BRSK1: variants seen among roughly 807,000 people sequenced by gnomAD.
BRSK1 encodes the protein serine/threonine-protein kinase BRSK1.
In BRSK1, 17 loss-of-function variants were observed where a neutral mutation model predicts 86.2. The observed-to-expected ratio is 0.20, with a 90% CI of 0.14 to 0.30. The LOEUF (loss-of-function observed/expected upper bound fraction) is 0.30. BRSK1 is among the 10% of genes least tolerant of loss of function. The pLI, the probability that BRSK1 is intolerant of heterozygous loss-of-function variation, is 1.00. For missense variants in BRSK1, 719 were observed against 1,071.9 expected (o/e 0.67, Z 4.60); for synonymous variants, 464 against 440.1 (o/e 1.05, Z -0.68).
chr19:55,284,454 G>A lies in BRSK1; in HGVS notation c.12G>A (p.Gly4=). The A allele has an allele frequency of 1.5e-6, 2 of 1,301,984 alleles. No homozygotes were observed. Among genetic ancestry groups the A allele is most frequent in the Non-Finnish European group, 2.0e-6 (2 of 1,004,256 alleles). The allele number at this position is 1,301,984 out of a possible 1,614,324, so 80.7% of individuals were successfully genotyped here. MSS[G]AKEGGGGSPA... ...GGACCAAGGGCACCATGTCGTCCGG[G>A]GCCAAGGAGGGAGGTGGGGGCTCTC... is the stretch of plus-strand genomic sequence containing the variant. The change falls in exon 1 of 19, where the codon GGG becomes GGA. Residue 4 remains glycine (G), a synonymous_variant. Coordinates refer to ENST00000309383, the MANE Select transcript of BRSK1 (RefSeq NM_032430.2).
At position 55,303,079 on chromosome 19, in the gene BRSK1, A is replaced by G. The variant is rs1303230275; in HGVS notation, c.1028+212A>G. 1 of 649,362 alleles carries G rather than the reference A, an allele frequency of 1.5e-6. No homozygotes were observed. Among genetic ancestry groups the G allele is most frequent in the African/African-American group, 1.8e-5 (1 of 54,944 alleles). 40.2% of individuals were successfully genotyped at this position (649,362 alleles called of 1,614,324 possible). On this transcript the variant is annotated intron_variant, in intron 10 of 18. Transcript: ENST00000309383. The surrounding 1 kb of genome is among the most constrained non-coding windows in gnomAD (Gnocchi z 5.1). ...ATGCTGCGACATAGTACTTACATAT[A>G]CATAGTACTTACAAATAGTTCTTGC...
chr19:55,307,837 C>G (rs2088683496), intron 17 of BRSK1, among the ~76,000 whole-genome samples: 2 of 149,114 alleles, frequency 1.3e-5, no homozygotes, highest in South Asian at 4.3e-4. Flanking sequence ...ACCTGTAGTC[C>G]CAGCTACTCC....
chr19:55,296,146 T>C (rs2088483510), intron 7 of BRSK1, among the ~76,000 whole-genome samples: 1 of 151,092 alleles, frequency 6.6e-6, no homozygotes, highest in Admixed American at 6.6e-5. Flanking sequence ...CCCCCACTCC[T>C]CCTCCCCACT....
Position 55,304,209 on chromosome 19 carries a change from G to C in BRSK1, c.1347+99G>C. 7.8e-7 allele frequency: 1 copy of C among 1,283,870 alleles called. No homozygotes were observed. The highest frequency in any genetic ancestry group is 1.1e-6 in the Non-Finnish European group (1 of 932,662). The allele number at this position is 1,283,870 out of a possible 1,614,324, so 79.5% of individuals were successfully genotyped here. The stretch of plus-strand genomic sequence containing the variant: ...AACTACAATTCCTGTGCAGTCTTGA[G>C]ACTTGCTTCTTTGTCCCTGGAGGGC... On this transcript the variant is annotated intron_variant, in intron 13 of 18. Coordinates refer to ENST00000309383, the MANE Select transcript of BRSK1 (RefSeq NM_032430.2). This position sits in a 1 kb window ranked among gnomAD's most constrained non-coding sequence, Gnocchi z 5.2.
Position 55,306,440 on chromosome 19 carries a change from T to G in BRSK1, c.2079T>G (p.Thr693=), listed in dbSNP as rs772053989. The G allele has an allele frequency of 2.4e-5, 38 of 1,612,658 alleles. No homozygotes were observed. Among genetic ancestry groups the G allele is most frequent in the Non-Finnish European group, 3.0e-5 (35 of 1,179,936 alleles). Residue 693 remains threonine (T), a synonymous_variant, in exon 17 of 19, where the codon ACT becomes ACG. Coordinates refer to ENST00000309383, the MANE Select transcript of BRSK1 (RefSeq NM_032430.2). This position sits in a 1 kb window ranked among gnomAD's most constrained non-coding sequence, Gnocchi z 4.7. ...GGGGIYSVTF[T]LISGPSRRFK... is the part of the protein sequence containing the mutation. The stretch of plus-strand genomic sequence containing the variant: ...GTGGCATCTACTCCGTCACCTTCAC[T>G]CTCATCTCGGGTGAGTCTCTTGGCT...
At chr19:55,298,011 C>G (rs552732569) in intron 7 of BRSK1, among the ~76,000 whole-genome samples, 19 of 151,952 alleles carry the variant, frequency 1.3e-4, no homozygotes, top group Admixed American at 5.9e-4. Context: ...GATGGGGTTT[C>G]TCCATGTTGG....
At chr19:55,289,952 G>A (rs545510796) in intron 4 of BRSK1, among the ~76,000 whole-genome samples, 20 of 152,102 alleles carry the variant, frequency 1.3e-4, no homozygotes, top group African/African-American at 4.1e-4. Flanking sequence ...TATTCTAGAC[G>A]TTTTATATAA....
chr19:55,304,690 G>T lies in BRSK1; in HGVS notation c.1487G>T (p.Ser496Ile), dbSNP rs1339054134. The T allele has an allele frequency of 6.8e-7, 1 of 1,471,032 alleles. No homozygotes were observed. The highest frequency in any genetic ancestry group is 1.3e-5 in the South Asian group (1 of 74,568). The allele number at this position is 1,471,032 out of a possible 1,614,324, so 91.1% of individuals were successfully genotyped here. Residue 496 changes from serine to isoleucine, a missense_variant, in exon 14 of 19, where the codon AGT (serine) becomes ATT (isoleucine). By Grantham distance (142) the Ser-to-Ile change is moderately radical (BLOSUM62 -2). Coordinates refer to ENST00000309383, the MANE Select transcript of BRSK1 (RefSeq NM_032430.2). This position sits in a 1 kb window ranked among gnomAD's most constrained non-coding sequence, Gnocchi z 5.2. ...GGAGEQPPPP[S>I]ARSTPLPGPP... ...GCCGGGGAGCAGCCCCCGCCCCCCA[G>T]TGCCCGCTCCACACCCCTGCCCGGC...
In BRSK1 at chr19:55,287,930, G is replaced by GT. The variant is rs1249103630; in HGVS notation, c.317+633dup. ...AAGCCGGAGAGGGGACAGCCCTCGT[G>GT]TTCCCCCCCGGCACCCAGTCCCCCG... On this transcript the variant is annotated intron_variant, in intron 3 of 18. Coordinates refer to ENST00000309383, the MANE Select transcript of BRSK1 (RefSeq NM_032430.2). This position sits in a 1 kb window ranked among gnomAD's most constrained non-coding sequence, Gnocchi z 5.3. 6.4e-6 allele frequency: 1 copy of GT among 155,788 alleles called. No homozygotes were observed. Among genetic ancestry groups the GT allele is most frequent in the Non-Finnish European group, 1.4e-5 (1 of 70,026 alleles). 9.7% of individuals were successfully genotyped at this position (155,788 alleles called of 1,614,324 possible).
chr19:55,299,408 TG>T (rs151029531), intron 7 of BRSK1, among the ~76,000 whole-genome samples: 12,011 of 151,346 alleles, frequency 0.079, 815 homozygotes, highest in African/African-American at 0.18. Flanking sequence ...TTTTTTGAGA[TG>T]GAGACTTTCT....
intron 4 of BRSK1, among the ~76,000 whole-genome samples, chr19:55,292,402 G>A (rs2088420389): frequency 6.6e-6 from 1 of 152,170 alleles, no homozygotes; most frequent in African/African-American, 2.4e-5. Context: ...ACTAATTTGG[G>A]TTGGGGAGGA....
At chr19:55,289,683 G>T in intron 4 of BRSK1, 63 bp downstream of exon 4, 2 of 1,580,078 alleles carry the variant, frequency 1.3e-6, no homozygotes, top group Non-Finnish European at 1.7e-6. Flanking sequence ...GCCCTTGGGG[G>T]CATGTGGAGG....
chr19:55,289,567 G>C lies in BRSK1; in HGVS notation c.405G>C (p.Lys135Asn), dbSNP rs759811002. ...KGRLTPKEAR[K>N]FFRQIVSALD... ...GACTGACGCCCAAGGAGGCCCGAAAGTTCTTCCGCCAGATTGTGTCTGCGC... is the reference window on the plus strand; with the variant it reads ...GACTGACGCCCAAGGAGGCCCGAAACTTCTTCCGCCAGATTGTGTCTGCGC... Residue 135 changes from lysine (K) to asparagine (N), a missense_variant, in exon 4 of 19, where the codon AAG becomes AAC. Lys to Asn is a moderately conservative substitution (Grantham distance 94, BLOSUM62 0). Around this residue, in one of 6 missense-constraint regions of BRSK1, gnomAD observed 75 missense variants for 281.0 expected, o/e 0.27. Coordinates refer to ENST00000309383, the MANE Select transcript of BRSK1 (RefSeq NM_032430.2). 1 of 1,614,152 alleles carries C rather than the reference G, an allele frequency of 6.2e-7. No homozygotes were observed. The highest frequency in any genetic ancestry group is 1.7e-5 in the Admixed American group (1 of 60,022).
Position 55,303,668 on chromosome 19 carries a change from C to A in BRSK1, c.1128C>A (p.Asp376Glu). Residue 376 changes from aspartate (D) to glutamate (E), a missense_variant and splice_region_variant, in exon 12 of 19, where the codon GAC becomes GAA. Coordinates refer to ENST00000309383, the MANE Select transcript of BRSK1 (RefSeq NM_032430.2). This position sits in a 1 kb window ranked among gnomAD's most constrained non-coding sequence, Gnocchi z 5.1. ...TGGGTTGAAACTGTTGTCCCTCAGACCCCCCCCGGAAGCGTGTGGATTCTC... is the reference window on the plus strand; with the variant it reads ...TGGGTTGAAACTGTTGTCCCTCAGAACCCCCCCGGAAGCGTGTGGATTCTC... Reference protein sequence around the residue: ...DQDLPPRNDVDPPRKRVDSPM... With the variant: ...DQDLPPRNDVEPPRKRVDSPM... 2 of 1,580,680 alleles carry A rather than the reference C, an allele frequency of 1.3e-6. No individual in the cohort carries two copies. Among genetic ancestry groups the A allele is most frequent in the South Asian group, 1.2e-5 (1 of 86,106 alleles).
chr19:55,304,520 CT>C lies in BRSK1; in HGVS notation c.1348-30del, dbSNP rs1422293741. 6.6e-7 allele frequency: 1 copy of C among 1,517,938 alleles called. No individual in the cohort carries two copies. The highest frequency in any genetic ancestry group is 1.4e-5 in the African/African-American group (1 of 70,750). 94.0% of individuals were successfully genotyped at this position (1,517,938 alleles called of 1,614,324 possible). A position where few individuals can be genotyped will look rare whatever the true frequency, so the allele number is the denominator to read the frequency against. On this transcript the variant is annotated intron_variant, in intron 13 of 18. Coordinates refer to ENST00000309383, the MANE Select transcript of BRSK1 (RefSeq NM_032430.2). The surrounding 1 kb of genome is among the most constrained non-coding windows in gnomAD (Gnocchi z 5.2). The stretch of plus-strand genomic sequence containing the variant: ...AGAGCCTCCTGGGAGTTGTAGTCCA[CT>C]CGCTTATCTCAGTCTCCTGTCCTCT...
rs2088597321 is a variant in BRSK1, at chr19:55,303,164, T to C, written c.1029-147T>C. 5 of 690,154 alleles carry C rather than the reference T, an allele frequency of 7.2e-6. No individual in the cohort carries two copies. The highest frequency in any genetic ancestry group is 1.2e-5 in the Non-Finnish European group (5 of 407,252). 42.8% of individuals were successfully genotyped at this position (690,154 alleles called of 1,614,324 possible). A position where few individuals can be genotyped will look rare whatever the true frequency, so the allele number is the denominator to read the frequency against. On this transcript the variant is annotated intron_variant, in intron 10 of 18. Transcript: ENST00000309383. The surrounding 1 kb of genome is among the most constrained non-coding windows in gnomAD (Gnocchi z 5.1). ...AGTGAAACACAGCTGAGATGTACCCTAAACCAGAGAAACTGACCATACTGA... is the reference window on the plus strand; with the variant it reads ...AGTGAAACACAGCTGAGATGTACCCCAAACCAGAGAAACTGACCATACTGA...
Position 55,289,579 on chromosome 19 carries a change from G to A in BRSK1, c.417G>A (p.Gln139=), listed in dbSNP as rs752681495. 1.2e-6 allele frequency: 2 copies of A among 1,614,188 alleles called. No homozygotes were observed. Among genetic ancestry groups the A allele is most frequent in the Non-Finnish European group, 1.7e-6 (2 of 1,180,026 alleles). ...AGGAGGCCCGAAAGTTCTTCCGCCA[G>A]ATTGTGTCTGCGCTGGACTTCTGCC... ...TPKEARKFFR[Q]IVSALDFCHS... is the part of the protein sequence containing the mutation. The change falls in exon 4 of 19, where the codon CAG becomes CAA. Residue 139 remains glutamine (Q), a synonymous_variant. Coordinates refer to ENST00000309383, the MANE Select transcript of BRSK1 (RefSeq NM_032430.2).
chr19:55,304,622 C>G lies in BRSK1; in HGVS notation c.1419C>G (p.Ser473=). The G allele has an allele frequency of 6.4e-7, 1 of 1,551,844 alleles. No homozygotes were observed. The highest frequency in any genetic ancestry group is 8.7e-7 in the Non-Finnish European group (1 of 1,151,364). ...DEARGGGSPT[S]KTQTLPSRGP... is the part of the protein sequence containing the mutation. The stretch of plus-strand genomic sequence containing the variant: ...CTCGAGGCGGGGGCTCCCCGACTTC[C>G]AAAACGCAGACGCTGCCTTCTCGGG... Residue 473 remains serine (S), a synonymous_variant, in exon 14 of 19, where the codon TCC becomes TCG. Transcript: ENST00000309383. This position sits in a 1 kb window ranked among gnomAD's most constrained non-coding sequence, Gnocchi z 5.2.
intron 7 of BRSK1, 35 bp from the exon 8 acceptor site, chr19:55,301,477 G>A (rs752966512): frequency 1.9e-6 from 3 of 1,606,884 alleles, no homozygotes; most frequent in Non-Finnish European, 2.5e-6. Flanking sequence ...AGGGTGAAAT[G>A]TGCTAATGAG....
Sources: allele counts gnomAD v4.1 joint callset (sites outside exome capture counted in the v4.1 genomes callset), GRCh38; gene constraint gnomAD v4.1.1; regional missense constraint gnomAD v4.1.1; non-coding constraint Gnocchi (gnomAD v3.1); transcripts MANE v1.5; gene names NCBI Gene and HGNC (gene_info 2026-07-23, HGNC 2026-07-21).